The following GLRA2 variants were observed in gnomAD, a reference collection of about 807,000 sequenced individuals.
GLRA2 encodes the protein glycine receptor subunit alpha-2.
In GLRA2, 11 loss-of-function variants were observed where a neutral mutation model predicts 31.6. The ratio of observed to expected loss-of-function variants is 0.35; its 90% CI spans 0.22 to 0.58. GLRA2 has a LOEUF of 0.58. GLRA2 is among the 20% of genes least tolerant of loss of function. The pLI is 0.84. For missense variants in GLRA2, 212 were observed against 351.8 expected (o/e 0.60, Z 3.18); for synonymous variants, 132 against 134.0 (o/e 0.99, Z 0.10).
At chrX:14,449,770 C>T in the GLRA2 span, among the ~76,000 whole-genome samples, 2 of 112,504 alleles carry the variant, frequency 1.8e-5, no homozygotes, top group Admixed American at 1.9e-4. Flanking sequence ...GCAGACAAAA[C>T]TGTGGGCCCC....
At chrX:14,585,598 T>C (rs1403956545) in intron 4 of GLRA2, among the ~76,000 whole-genome samples, 1 of 111,518 alleles carries the variant, frequency 9.0e-6, no homozygotes, top group Non-Finnish European at 1.9e-5. Flanking sequence ...GAAAAGTTCC[T>C]GCTGACGTTC....
chrX:14,672,249 C>T (rs891748672), intron 7 of GLRA2, among the ~76,000 whole-genome samples: 4 of 112,186 alleles, frequency 3.6e-5, no homozygotes, highest in Admixed American at 9.5e-5. Context: ...GATTGATTTC[C>T]GCCAAGGGGC....
the GLRA2 span, among the ~76,000 whole-genome samples, chrX:14,475,380 A>G: frequency 8.9e-6 from 1 of 112,451 alleles, no homozygotes; most frequent in Admixed American, 9.4e-5. Flanking sequence ...GGGCTCAAAA[A>G]TATTTAATCT....
chrX:14,540,505 C>G (rs187309727), intron 2 of GLRA2, among the ~76,000 whole-genome samples: 5 of 110,831 alleles, frequency 4.5e-5, no homozygotes, highest in Admixed American at 2.9e-4. Context: ...CCCATTGATA[C>G]AAACCCTGAA....
chrX:14,618,676 T>C (rs896310874), intron 7 of GLRA2, among the ~76,000 whole-genome samples: 10 of 111,403 alleles, frequency 9.0e-5, no homozygotes, highest in African/African-American at 3.3e-4. Context: ...AAGGCTGAAA[T>C]CAAAGTGTCA....
chrX:14,582,114 A>T (rs966617847), intron 4 of GLRA2, among the ~76,000 whole-genome samples: 6 of 106,186 alleles, frequency 5.7e-5, no homozygotes, highest in Non-Finnish European at 1.2e-4. Context: ...CATGTGCACA[A>T]CGTGCAGGTT....
chrX:14,584,096 G>A (rs968495057), intron 4 of GLRA2, among the ~76,000 whole-genome samples: 1 of 111,128 alleles, frequency 9.0e-6, no homozygotes, highest in Non-Finnish European at 1.9e-5. Context: ...CTGCCTTATA[G>A]GGTACTACGC....
intron 7 of GLRA2, among the ~76,000 whole-genome samples, chrX:14,671,350 A>G (rs2091090827): frequency 8.9e-6 from 1 of 112,172 alleles, no homozygotes; most frequent in African/African-American, 3.2e-5. Flanking sequence ...CCCTGTGACA[A>G]GCATTTGGAT....
At chrX:14,615,152 A>G (rs950100509) in intron 7 of GLRA2, among the ~76,000 whole-genome samples, 5 of 112,008 alleles carry the variant, frequency 4.5e-5, no homozygotes, top group Non-Finnish European at 9.4e-5. Flanking sequence ...TATGAGGGCA[A>G]GGACTTCATT....
chrX:14,721,311 G>GAATA (rs1222957832), intron 8 of GLRA2, among the ~76,000 whole-genome samples: 1 of 88,743 alleles, frequency 1.1e-5, no homozygotes, highest in Non-Finnish European at 2.2e-5. Flanking sequence ...ATTGCTAAAA[G>GAATA]AATAGATTTT....
At chrX:14,683,671 T>C (rs2091242852) in intron 7 of GLRA2, among the ~76,000 whole-genome samples, 1 of 111,797 alleles carries the variant, frequency 8.9e-6, no homozygotes, top group African/African-American at 3.3e-5. Flanking sequence ...AGGGTCTTTA[T>C]GGTTTTAGGT....
At chrX:14,692,297 G>C (rs1033555287) in intron 8 of GLRA2, among the ~76,000 whole-genome samples, 1 of 112,243 alleles carries the variant, frequency 8.9e-6, no homozygotes, top group Non-Finnish European at 1.9e-5. Context: ...CTGCCTCCCT[G>C]TTGGTGCTAA....
At chrX:14,620,312 C>G (rs112107183) in intron 7 of GLRA2, among the ~76,000 whole-genome samples, 1 of 108,764 alleles carries the variant, frequency 9.2e-6, no homozygotes, top group African/African-American at 3.4e-5. Flanking sequence ...TCCCTTCTCG[C>G]TTCTCCAGTT....
chrX:14,694,115 T>C (rs1198014994), intron 8 of GLRA2, among the ~76,000 whole-genome samples: 1 of 111,457 alleles, frequency 9.0e-6, no homozygotes, highest in Non-Finnish European at 1.9e-5. Context: ...AAAAGAATGG[T>C]CCATTAAGTT....
chrX:14,524,742 T>TTGTG (rs113079569), upstream of GLRA2, among the ~76,000 whole-genome samples: 1,808 of 105,206 alleles, frequency 0.017, 38 homozygotes, highest in African/African-American at 0.056. Flanking sequence ...TTCAACATAT[T>TTGTG]TGTGTGTGTG....
At chrX:14,583,670 C>T (rs760950364) in intron 4 of GLRA2, among the ~76,000 whole-genome samples, 3 of 111,737 alleles carry the variant, frequency 2.7e-5, no homozygotes, top group East Asian at 2.8e-4. Context: ...ACCTGGGAGG[C>T]GGAGGTTGCA....
At chrX:14,488,786 T>A in the GLRA2 span, among the ~76,000 whole-genome samples, 1 of 112,623 alleles carries the variant, frequency 8.9e-6, no homozygotes. Flanking sequence ...ACAAGAACCA[T>A]CATAAAATAA....
the GLRA2 span, among the ~76,000 whole-genome samples, chrX:14,477,027 C>T: frequency 8.9e-6 from 1 of 111,837 alleles, no homozygotes; most frequent in Non-Finnish European, 1.9e-5. Context: ...CATCCCTATA[C>T]TGAGGACCCT....
At position 14,730,930 on chromosome X, in the gene GLRA2, AC is replaced by A. The variant is rs2091986604; in HGVS notation, c.*446del. ...CACACACACACACACACACACACAC[AC>A]ACACACACACACACACACAAACTTC... On this transcript the variant is annotated 3_prime_UTR_variant, in exon 9 of 9. Coordinates refer to ENST00000218075, the MANE Select transcript of GLRA2 (RefSeq NM_002063.4). 1 of 118,047 alleles carries A rather than the reference AC, an allele frequency of 8.5e-6. No individual in the cohort carries two copies. Among genetic ancestry groups the A allele is most frequent in the Non-Finnish European group, 1.7e-5 (1 of 58,513 alleles). 9.7% of individuals were successfully genotyped at this position (118,047 alleles called of 1,213,427 possible).
Sources: gnomAD v4.1 joint callset for allele counts (sites outside exome capture counted in the v4.1 genomes callset) on GRCh38, gnomAD v4.1.1 for gene constraint, MANE v1.5 for transcripts, NCBI Gene and HGNC (gene_info 2026-07-23, HGNC 2026-07-21) for gene names.